The following CHODL variants were observed in gnomAD, a reference collection of about 807,000 sequenced individuals.
CHODL encodes the protein chondrolectin, also known as transmembrane protein MT75.
CHODL carries 29 observed loss-of-function variants against 34.5 expected under a neutral mutation model. The observed-to-expected ratio is 0.84, with a 90% CI of 0.63 to 1.15. The LOEUF is 1.15. Ranked by LOEUF, CHODL falls within the 50% of genes most tolerant of loss-of-function variation. The pLI is 0.00. For synonymous variants in CHODL, 125 were observed against 116.1 expected, an observed-to-expected ratio of 1.08 and a Z score of -0.49; for missense variants, 332 against 332.5, an observed-to-expected ratio of 1.00 and a Z score of 0.01.
chr21:18,133,130 G>GT (rs141006832), intron 2 of CHODL, among the ~76,000 whole-genome samples: 10,511 of 152,142 alleles, frequency 0.069, 397 homozygotes, highest in Middle Eastern at 0.12. Context: ...AAAAAGCGGT[G>GT]TATGTCTATG....
chr21:18,131,803 A>G (rs562201847), intron 2 of CHODL, among the ~76,000 whole-genome samples: 2 of 152,138 alleles, frequency 1.3e-5, no homozygotes, highest in African/African-American at 4.8e-5. Flanking sequence ...CAACAGTTAA[A>G]TTCTCCTTCC....
At chr21:18,171,736 GT>G (rs71189587) in intron 2 of CHODL, among the ~76,000 whole-genome samples, 65,177 of 146,298 alleles carry the variant, frequency 0.45, 16,177 homozygotes, top group Non-Finnish European at 0.58. Context: ...ATTCTCTTCA[GT>G]TTTTTTTTTT....
rs116245794 is a variant in CHODL, at chr21:17,960,065, G to A, written c.-145+42665G>A. ...AGAAGCCTGTCTTGTGTTGGATGACGTAGCTGGGTATAATGTATGTATTTG... is the reference window on the plus strand; with the variant it reads ...AGAAGCCTGTCTTGTGTTGGATGACATAGCTGGGTATAATGTATGTATTTG... On this transcript the variant is annotated intron_variant, in intron 1 of 6. Coordinates refer to the CHODL transcript ENST00000400127. 4.0e-3 allele frequency among the ~76,000 whole-genome samples: 614 copies of A among 152,184 alleles called. 4 individuals carry two copies. Among genetic ancestry groups the A allele is most frequent in the African/African-American group, 0.014 (568 of 41,520 alleles).
intron 2 of CHODL, among the ~76,000 whole-genome samples, chr21:18,039,349 G>T (rs74423410): frequency 6.6e-6 from 1 of 151,776 alleles, no homozygotes; most frequent in Admixed American, 6.6e-5. Context: ...TAGGGGTAGG[G>T]ATTGTGGTAG....
Position 17,978,970 on chromosome 21 carries a change from G to A in CHODL, c.-144-48902G>A, listed in dbSNP as rs1255004407. 2.6e-5 allele frequency among the ~76,000 whole-genome samples: 4 copies of A among 152,148 alleles called. No individual in the cohort carries two copies. The East Asian group carries it at 7.7e-4, about 29-fold the overall frequency. The stretch of plus-strand genomic sequence containing the variant: ...GTTCCTGCATCTCAGCAGCAGCAAG[G>A]GTGCATTGAATCCTTCTCATGCTTG... On this transcript the variant is annotated intron_variant, in intron 1 of 6. Transcript: ENST00000400127.
chr21:18,009,346 TAAAAC>T (rs1002112558), intron 1 of CHODL, among the ~76,000 whole-genome samples: 3 of 152,100 alleles, frequency 2.0e-5, no homozygotes, highest in East Asian at 1.9e-4. Context: ...AAACGAAAAA[TAAAAC>T]AAAGAAATAC....
At chr21:18,125,603 A>AATTGT (rs1432007714) in intron 2 of CHODL, among the ~76,000 whole-genome samples, 1 of 151,446 alleles carries the variant, frequency 6.6e-6, no homozygotes, top group Non-Finnish European at 1.5e-5. Flanking sequence ...TTAATTAATT[A>AATTGT]ATTAATTTTT....
chr21:17,977,701 G>C (rs1484930848), intron 1 of CHODL, among the ~76,000 whole-genome samples: 3 of 146,198 alleles, frequency 2.1e-5, no homozygotes, highest in Non-Finnish European at 3.0e-5. Flanking sequence ...GGCGAATCCC[G>C]AGGTCAAGAG....
rs997274086 is a variant in CHODL, at chr21:18,001,193, G to A, written c.-144-26679G>A. Among the ~76,000 whole-genome samples the A allele has an allele frequency of 3.3e-5, 5 of 152,256 alleles. No homozygotes were observed. In the South Asian group the frequency reaches 8.3e-4, roughly 25 times the overall value. ...ACAACTGCAGGGTTAAGATAGGGCAGGGTCAAAAAAGAAAGCAAGAAAAAG... is the reference window on the plus strand; with the variant it reads ...ACAACTGCAGGGTTAAGATAGGGCAAGGTCAAAAAAGAAAGCAAGAAAAAG... On this transcript the variant is annotated intron_variant, in intron 1 of 6. Transcript: ENST00000400127.
intron 2 of CHODL, among the ~76,000 whole-genome samples, chr21:18,232,907 T>C (rs1295406017): frequency 1.4e-5 from 2 of 142,692 alleles, no homozygotes; most frequent in East Asian, 2.0e-4. Context: ...ATAATTATAA[T>C]GGTCCATATA....
intron 2 of CHODL, among the ~76,000 whole-genome samples, chr21:18,135,113 CTCTA>C (rs1049231597): frequency 2.0e-5 from 3 of 152,182 alleles, no homozygotes; most frequent in Non-Finnish European, 4.4e-5. Context: ...AAATGGCACT[CTCTA>C]TCTCTCTTTC....
At chr21:18,001,290 A>G (rs1369718784) in intron 1 of CHODL, among the ~76,000 whole-genome samples, 1 of 152,374 alleles carries the variant, frequency 6.6e-6, no homozygotes, top group African/African-American at 2.4e-5. Context: ...GGCGGAGTGT[A>G]TGAGAACAAG....
intron 1 of CHODL, among the ~76,000 whole-genome samples, chr21:17,996,841 T>A (rs2044715099): frequency 6.6e-6 from 1 of 152,186 alleles, no homozygotes; most frequent in Non-Finnish European, 1.5e-5. Context: ...ACTCTTTGGA[T>A]GAAACCTATG....
chr21:18,135,842 C>T (rs917704133), intron 2 of CHODL, among the ~76,000 whole-genome samples: 59 of 152,212 alleles, frequency 3.9e-4, no homozygotes, highest in African/African-American at 1.4e-3. Flanking sequence ...GGCGCAGTGG[C>T]TCATGCCTGT....
chr21:17,927,098 CTGTG>C (rs530760463), intron 1 of CHODL, among the ~76,000 whole-genome samples: 16 of 137,534 alleles, frequency 1.2e-4, no homozygotes, highest in African/African-American at 2.5e-4. Context: ...GTATGTATAT[CTGTG>C]TGTATGTATA....
intron 2 of CHODL, among the ~76,000 whole-genome samples, chr21:18,058,064 A>C (rs1348923315): frequency 1.3e-5 from 2 of 152,126 alleles, no homozygotes; most frequent in Non-Finnish European, 2.9e-5. Flanking sequence ...AGAACACTAG[A>C]ACTTATTCCT....
intron 2 of CHODL, among the ~76,000 whole-genome samples, chr21:18,098,078 CAT>C (rs1348201541): frequency 7.9e-5 from 12 of 151,980 alleles, no homozygotes; most frequent in Non-Finnish European, 1.3e-4. Context: ...GGATTAAAAA[CAT>C]AGAAATCTAA....
intron 2 of CHODL, among the ~76,000 whole-genome samples, chr21:18,146,892 T>C (rs748346279): frequency 1.3e-5 from 2 of 152,206 alleles, no homozygotes; most frequent in African/African-American, 2.4e-5. Flanking sequence ...TAATGTTATT[T>C]TGATCAAACC....
intron 2 of CHODL, among the ~76,000 whole-genome samples, chr21:18,129,251 A>C (rs2072621745): frequency 7.2e-6 from 1 of 139,322 alleles, no homozygotes; most frequent in African/African-American, 2.9e-5. Context: ...AATTCACCAC[A>C]AACTTGACAA....
Sources: allele counts gnomAD v4.1 joint callset (sites outside exome capture counted in the v4.1 genomes callset), GRCh38; gene constraint gnomAD v4.1.1; transcripts MANE v1.5; gene names NCBI Gene and HGNC (gene_info 2026-07-23, HGNC 2026-07-21).